The following LRRTM4 variants were observed in gnomAD, a reference collection of about 807,000 sequenced individuals.
LRRTM4 encodes the protein leucine rich repeat transmembrane neuronal 4.
A neutral mutation model predicts 47.6 loss-of-function variants in LRRTM4; 25 were observed. The observed-to-expected ratio is 0.53, with a 90% CI of 0.38 to 0.73. The LOEUF (loss-of-function observed/expected upper bound fraction) is 0.73, where lower values mean the gene tolerates loss of function less well. Among genes scored for constraint, LRRTM4 ranks in the 30% least tolerant of loss-of-function variants. The pLI is 0.00. For synonymous variants in LRRTM4, 311 were observed against 269.5 expected (o/e 1.15, Z -1.51); for missense variants, 638 against 713.4 (o/e 0.89, Z 1.20).
At chr2:76,876,451 A>G (rs1393694344) in intron 3 of LRRTM4, among the ~76,000 whole-genome samples, 1 of 152,058 alleles carries the variant, frequency 6.6e-6, no homozygotes, top group Non-Finnish European at 1.5e-5. Flanking sequence ...CTATTAAGGC[A>G]TTACACTATA....
chr2:77,065,857 A>C (rs1679933076), intron 3 of LRRTM4, among the ~76,000 whole-genome samples: 1 of 152,164 alleles, frequency 6.6e-6, no homozygotes, highest in African/African-American at 2.4e-5. Context: ...TATTGGTAAA[A>C]AGGAGAATGA....
intron 3 of LRRTM4, among the ~76,000 whole-genome samples, chr2:77,200,663 T>C (rs537627941): frequency 6.6e-6 from 1 of 152,230 alleles, no homozygotes; most frequent in South Asian, 2.1e-4. Flanking sequence ...CATTATTTTT[T>C]TCACAAGCTA....
chr2:77,519,348 A>C lies in LRRTM4; in HGVS notation c.521T>G (p.Ile174Arg), dbSNP rs762680959. 6.2e-7 allele frequency: 1 copy of C among 1,613,334 alleles called. No homozygotes were observed. Among genetic ancestry groups the C allele is most frequent in the Admixed American group, 1.7e-5 (1 of 59,894 alleles). ...LRSNSLKTVPIRVFQDCRNLD... is the reference protein window; with the variant it reads ...LRSNSLKTVPRRVFQDCRNLD... ...ATTCCGACAGTCTTGAAAAACTCTT[A>C]TGGGCACAGTCTTTAGTGAGTTAGA... The change falls in exon 3 of 4, where the codon ATA becomes AGA. Residue 174 changes from isoleucine to arginine, a missense_variant. Transcript: ENST00000409884. This position sits in a 1 kb window ranked among gnomAD's most constrained non-coding sequence, Gnocchi z 4.6.
chr2:76,931,132 A>C (rs1674755276), intron 3 of LRRTM4, among the ~76,000 whole-genome samples: 1 of 152,166 alleles, frequency 6.6e-6, no homozygotes, highest in Non-Finnish European at 1.5e-5. Context: ...AGAAAGAAAG[A>C]AAAAAATAAC....
At chr2:76,801,655 A>G (rs1197689612) in intron 3 of LRRTM4, among the ~76,000 whole-genome samples, 2 of 151,948 alleles carry the variant, frequency 1.3e-5, no homozygotes, top group African/African-American at 4.8e-5. Context: ...CCTAAAACTT[A>G]AAGTATAATA....
chr2:76,915,402 T>C (rs1016150020), intron 3 of LRRTM4, among the ~76,000 whole-genome samples: 1 of 152,200 alleles, frequency 6.6e-6, no homozygotes, highest in African/African-American at 2.4e-5. Flanking sequence ...CTGTCACATA[T>C]GCAAGATTTA....
At chr2:77,356,776 G>A (rs527319663) in intron 3 of LRRTM4, among the ~76,000 whole-genome samples, 1 of 152,256 alleles carries the variant, frequency 6.6e-6, no homozygotes, top group South Asian at 2.1e-4. Flanking sequence ...GGGCCAATTA[G>A]TATTGTGATT....
At chr2:77,376,990 A>T (rs944699074) in intron 3 of LRRTM4, among the ~76,000 whole-genome samples, 77 of 152,034 alleles carry the variant, frequency 5.1e-4, no homozygotes, top group African/African-American at 1.7e-3. Context: ...TTATTTATTC[A>T]ATCAATTATT....
intron 3 of LRRTM4, among the ~76,000 whole-genome samples, chr2:76,765,727 G>T (rs971339124): frequency 6.6e-6 from 1 of 152,172 alleles, no homozygotes; most frequent in Non-Finnish European, 1.5e-5. Context: ...TGGCCTCCAG[G>T]ACTGTGAAAT....
intron 3 of LRRTM4, among the ~76,000 whole-genome samples, chr2:77,131,449 A>T (rs1294010486): frequency 3.3e-5 from 5 of 152,188 alleles, no homozygotes; most frequent in African/African-American, 1.2e-4. Context: ...AACAGAATTG[A>T]TGGAGTTAGC....
intron 3 of LRRTM4, among the ~76,000 whole-genome samples, chr2:76,775,321 T>C (rs1673918670): frequency 6.6e-6 from 1 of 152,130 alleles, no homozygotes; most frequent in Non-Finnish European, 1.5e-5. Context: ...TATAGTACCA[T>C]GTGTAATGAG....
chr2:76,832,719 A>C (rs1671389491), intron 3 of LRRTM4, among the ~76,000 whole-genome samples: 2 of 152,204 alleles, frequency 1.3e-5, no homozygotes, highest in East Asian at 3.9e-4. Flanking sequence ...TCAAGGTAGT[A>C]ACATTAATTA....
rs1374146056 is a variant in LRRTM4, at chr2:77,044,822, T to C, written c.1552-295906A>G. 2.0e-5 allele frequency among the ~76,000 whole-genome samples: 3 copies of C among 151,802 alleles called. No homozygotes were observed. In the South Asian group the frequency reaches 6.2e-4, roughly 31 times the overall value. On this transcript the variant is annotated intron_variant, in intron 3 of 3. Transcript: ENST00000409884. Reference sequence around the variant, plus strand: ...TAAATTATGTGAATGTGTGTGTGAATATATATGCATGTAGGTGGCACAAAT... The same window carrying C: ...TAAATTATGTGAATGTGTGTGTGAACATATATGCATGTAGGTGGCACAAAT...
At chr2:77,035,294 G>A (rs1466450882) in intron 3 of LRRTM4, among the ~76,000 whole-genome samples, 1 of 148,422 alleles carries the variant, frequency 6.7e-6, no homozygotes, top group Non-Finnish European at 1.5e-5. Context: ...CAAAAAACCA[G>A]AAGAATCCTG....
chr2:77,221,798 G>C (rs1270995706), intron 3 of LRRTM4, among the ~76,000 whole-genome samples: 13 of 152,228 alleles, frequency 8.5e-5, no homozygotes, highest in South Asian at 2.1e-4. Flanking sequence ...ACAGATCAAT[G>C]AGACAGAAAG....
chr2:76,797,050 T>A (rs1410216051), intron 3 of LRRTM4, among the ~76,000 whole-genome samples: 1 of 152,096 alleles, frequency 6.6e-6, no homozygotes, highest in Non-Finnish European at 1.5e-5. Flanking sequence ...TGCAGGATAT[T>A]ATCCAGGAGA....
chr2:77,292,450 A>C (rs1676852338), intron 3 of LRRTM4, among the ~76,000 whole-genome samples: 1 of 152,024 alleles, frequency 6.6e-6, no homozygotes, highest in Non-Finnish European at 1.5e-5. Flanking sequence ...ACCAACCCAA[A>C]TGTCCAACAA....
chr2:76,795,594 C>CATACATATACAT (rs59362311), intron 3 of LRRTM4, among the ~76,000 whole-genome samples: 12 of 151,598 alleles, frequency 7.9e-5, no homozygotes, highest in African/African-American at 2.2e-4. Context: ...CACACACATA[C>CATACATATACAT]ACACACACTA....
intron 3 of LRRTM4, among the ~76,000 whole-genome samples, chr2:77,223,829 T>C (rs1019556325): frequency 5.9e-5 from 9 of 152,180 alleles, no homozygotes; most frequent in African/African-American, 2.2e-4. Context: ...AAGCTACCAA[T>C]GACTTTCTTT....
Sources: gnomAD v4.1 joint callset for allele counts (sites outside exome capture counted in the v4.1 genomes callset) on GRCh38, gnomAD v4.1.1 for gene constraint, Gnocchi (gnomAD v3.1) non-coding constraint, MANE v1.5 for transcripts, NCBI Gene and HGNC (gene_info 2026-07-23, HGNC 2026-07-21) for gene names.